Variants in CLCN5 observed in about 807,000 individuals in gnomAD.
CLCN5 encodes H(+)/Cl(-) exchange transporter 5.
Under a neutral mutation model 54.0 loss-of-function variants are expected in CLCN5, and 17 were observed. The ratio of observed to expected loss-of-function variants is 0.31; its 90% CI spans 0.22 to 0.47. CLCN5 has a LOEUF of 0.47. Ranked by LOEUF, CLCN5 falls within the 20% of genes least tolerant of loss-of-function variation. The probability of loss-of-function intolerance (pLI) is 1.00; values close to 1 mark genes in which losing one functional copy is unlikely to be tolerated. For missense variants in CLCN5, 448 were observed against 646.7 expected (o/e 0.69, Z 3.33); for synonymous variants, 222 against 233.0 (o/e 0.95, Z 0.43).
At chrX:50,048,021 C>T (rs1275270675) in intron 4 of CLCN5, among the ~76,000 whole-genome samples, 2 of 111,912 alleles carry the variant, frequency 1.8e-5, no homozygotes, top group African/African-American at 6.5e-5. Flanking sequence ...CGTAGAACAG[C>T]GGTCCACAAC....
intron 3 of CLCN5, among the ~76,000 whole-genome samples, chrX:50,014,215 C>G (rs958996833): frequency 9.0e-6 from 1 of 111,458 alleles, no homozygotes; most frequent in African/African-American, 3.3e-5. Flanking sequence ...CCAGGACTCT[C>G]AGAGGGGCCT....
chrX:50,062,131 T>A (rs1256968307), intron 4 of CLCN5, among the ~76,000 whole-genome samples: 1 of 104,782 alleles, frequency 9.5e-6, no homozygotes, highest in Non-Finnish European at 1.9e-5. Context: ...AACATCATAA[T>A]GACAGGATCA....
At chrX:50,041,879 T>C (rs1932229549) in intron 3 of CLCN5, among the ~76,000 whole-genome samples, 1 of 112,202 alleles carries the variant, frequency 8.9e-6, no homozygotes, top group Non-Finnish European at 1.9e-5. Flanking sequence ...CATCAGCTGA[T>C]GAATAGATAA....
At chrX:49,973,694 A>C (rs1851961037) in intron 3 of CLCN5, among the ~76,000 whole-genome samples, 1 of 110,336 alleles carries the variant, frequency 9.1e-6, no homozygotes, top group East Asian at 2.8e-4. Flanking sequence ...GTGTGAAAGC[A>C]GTAGCAATCA....
At chrX:50,083,454 A>G (rs1557193491) in intron 9 of CLCN5, among the ~76,000 whole-genome samples, 2 of 111,933 alleles carry the variant, frequency 1.8e-5, no homozygotes, top group Non-Finnish European at 3.8e-5. Flanking sequence ...AAGAGTTGAG[A>G]AAACATTTTT....
At chrX:49,963,253 G>A (rs1557175009) in intron 3 of CLCN5, among the ~76,000 whole-genome samples, 1 of 111,455 alleles carries the variant, frequency 9.0e-6, no homozygotes, top group Non-Finnish European at 1.9e-5. Flanking sequence ...TGTGGTTTAA[G>A]GGCCAGGGAG....
At chrX:50,040,910 G>A (rs915885510) in intron 3 of CLCN5, among the ~76,000 whole-genome samples, 14 of 111,918 alleles carry the variant, frequency 1.3e-4, no homozygotes, top group African/African-American at 4.2e-4. Context: ...ACATGATTTG[G>A]ACCTTAACTT....
At chrX:49,936,793 A>G (rs948042543) in intron 3 of CLCN5, among the ~76,000 whole-genome samples, 30 of 112,223 alleles carry the variant, frequency 2.7e-4, no homozygotes, top group African/African-American at 9.1e-4. Context: ...AACTGCATGA[A>G]GGTCACTTGT....
intron 3 of CLCN5, among the ~76,000 whole-genome samples, chrX:50,026,342 G>A (rs1359453849): frequency 5.4e-5 from 6 of 111,577 alleles, no homozygotes; most frequent in African/African-American, 2.0e-4. Context: ...TATGTATTCT[G>A]CTGTTGTTAA....
At chrX:49,990,186 A>C (rs1929187396) in intron 3 of CLCN5, among the ~76,000 whole-genome samples, 1 of 110,130 alleles carries the variant, frequency 9.1e-6, no homozygotes, top group Non-Finnish European at 1.9e-5. Flanking sequence ...TTTTTTTTTA[A>C]CAGAGTCTCG....
chrX:50,040,853 G>A (rs367853244), intron 3 of CLCN5, among the ~76,000 whole-genome samples: 7 of 111,261 alleles, frequency 6.3e-5, no homozygotes, highest in African/African-American at 2.3e-4. Context: ...CTCACACTTC[G>A]GTCAAGCTGG....
intron 4 of CLCN5, among the ~76,000 whole-genome samples, chrX:50,063,667 G>A (rs1557190299): frequency 9.2e-6 from 1 of 108,397 alleles, no homozygotes; most frequent in African/African-American, 3.4e-5. Flanking sequence ...TATGAGGCCA[G>A]CATCATTCTG....
chrX:49,978,031 A>T (rs1230545810), intron 3 of CLCN5, among the ~76,000 whole-genome samples: 1 of 112,173 alleles, frequency 8.9e-6, no homozygotes, highest in Admixed American at 9.4e-5. Flanking sequence ...GACCTTGGGT[A>T]AGCGGATCCC....
At chrX:50,054,656 T>G (rs1932688150) in intron 4 of CLCN5, 1 of 112,119 alleles carries the variant, frequency 8.9e-6, no homozygotes, top group Non-Finnish European at 1.9e-5. Context: ...CAGCTGTGTC[T>G]CTTTGAATAA....
rs187259959 is a variant in CLCN5, at chrX:50,019,039, T to G, written c.17-23277T>G. Among the ~76,000 whole-genome samples the G allele has an allele frequency of 3.3e-3, 366 of 112,056 alleles. 1 individual carries two copies. The highest frequency in any genetic ancestry group is 5.4e-3 in the Non-Finnish European group (288 of 53,139). Reference sequence around the variant, plus strand: ...TACAATTTTGTCTTTAAATGTTTGGTAGAATACACTAGTGAATCCATCTGG... The same window carrying G: ...TACAATTTTGTCTTTAAATGTTTGGGAGAATACACTAGTGAATCCATCTGG... On this transcript the variant is annotated intron_variant, in intron 3 of 14. Coordinates refer to ENST00000376091, the MANE Select transcript of CLCN5 (RefSeq NM_001127898.4).
intron 3 of CLCN5, among the ~76,000 whole-genome samples, chrX:49,942,602 C>T (rs782371377): frequency 7.6e-4 from 74 of 97,537 alleles, no homozygotes; most frequent in South Asian, 2.2e-3. Flanking sequence ...CCCCTTCCTG[C>T]GTCCAAGTGT....
chrX:50,060,522 G>A (rs782036830), intron 4 of CLCN5, among the ~76,000 whole-genome samples: 972 of 96,652 alleles, frequency 0.01, 5 homozygotes, highest in Non-Finnish European at 0.015. Flanking sequence ...ACGGAATCTC[G>A]CTGATTGCTA....
chrX:50,063,663 G>A (rs1326155443), intron 4 of CLCN5, among the ~76,000 whole-genome samples: 1 of 108,166 alleles, frequency 9.2e-6, no homozygotes, highest in Admixed American at 9.8e-5. Flanking sequence ...ATTTTATGAG[G>A]CCAGCATCAT....
intron 3 of CLCN5, among the ~76,000 whole-genome samples, chrX:49,976,685 T>C (rs1557176948): frequency 2.7e-5 from 3 of 112,323 alleles, no homozygotes; most frequent in Non-Finnish European, 3.8e-5. Context: ...CTCTCATTAT[T>C]TTTGTGTTTT....
Sources: allele counts gnomAD v4.1 joint callset (sites outside exome capture counted in the v4.1 genomes callset), GRCh38; gene constraint gnomAD v4.1.1; transcripts MANE v1.5; gene names NCBI Gene and HGNC (gene_info 2026-07-23, HGNC 2026-07-21).